CNTNAP2: variants seen among roughly 807,000 people sequenced by gnomAD.
CNTNAP2 encodes the protein contactin associated protein 2.
CNTNAP2 carries 98 observed loss-of-function variants against 155.2 expected under a neutral mutation model. That is an observed-to-expected ratio of 0.63 (90% confidence interval 0.54 to 0.75). The LOEUF (loss-of-function observed/expected upper bound fraction) is 0.75, where lower values mean the gene tolerates loss of function less well. CNTNAP2 is among the 30% of genes least tolerant of loss of function. The pLI is 0.00. For synonymous variants in CNTNAP2, 651 were observed against 631.2 expected (o/e 1.03, Z -0.47); for missense variants, 1,727 against 1,688.1 (o/e 1.02, Z -0.40).
At chr7:147,432,028 C>T (rs537884724) in intron 10 of CNTNAP2, among the ~76,000 whole-genome samples, 1 of 152,256 alleles carries the variant, frequency 6.6e-6, no homozygotes, top group African/African-American at 2.4e-5. Context: ...TTCTTATATC[C>T]TGAAATCTGA....
intron 1 of CNTNAP2, among the ~76,000 whole-genome samples, chr7:146,258,528 G>T (rs975644569): frequency 1.3e-5 from 2 of 152,186 alleles, no homozygotes; most frequent in Admixed American, 6.6e-5. Context: ...GCTTGTTGAT[G>T]TTGGAGGTTC....
chr7:146,219,534 A>G (rs1449202399), intron 1 of CNTNAP2, among the ~76,000 whole-genome samples: 1 of 152,206 alleles, frequency 6.6e-6, no homozygotes, highest in African/African-American at 2.4e-5. Context: ...GGAAGATAAT[A>G]TAAATAGACG....
intron 8 of CNTNAP2, among the ~76,000 whole-genome samples, chr7:147,185,108 C>T (rs902284596): frequency 6.6e-6 from 1 of 151,520 alleles, no homozygotes; most frequent in Non-Finnish European, 1.5e-5. Flanking sequence ...ACTTACATTA[C>T]AAAAGGAAGG....
chr7:147,286,273 A>C (rs1805172259), intron 8 of CNTNAP2, among the ~76,000 whole-genome samples: 1 of 152,102 alleles, frequency 6.6e-6, no homozygotes, highest in African/African-American at 2.4e-5. Context: ...GTCTAAAAAT[A>C]ACTTAGTCAA....
intron 11 of CNTNAP2, among the ~76,000 whole-genome samples, chr7:147,525,950 C>T (rs999676688): frequency 2.6e-5 from 4 of 151,878 alleles, no homozygotes; most frequent in African/African-American, 7.3e-5. Context: ...CCCAGCACTT[C>T]GGAAGGTTGA....
chr7:147,694,513 G>T (rs1007086502), intron 13 of CNTNAP2, among the ~76,000 whole-genome samples: 4 of 152,060 alleles, frequency 2.6e-5, no homozygotes, highest in African/African-American at 9.7e-5. Context: ...TATTGATTCA[G>T]TTTCTTTAAT....
At chr7:148,007,491 T>C (rs1375947742) in intron 15 of CNTNAP2, among the ~76,000 whole-genome samples, 4 of 152,148 alleles carry the variant, frequency 2.6e-5, no homozygotes, top group Non-Finnish European at 5.9e-5. Flanking sequence ...CTGAAAATAA[T>C]ATTGAAATGT....
At chr7:146,611,361 G>A (rs1345202318) in intron 1 of CNTNAP2, among the ~76,000 whole-genome samples, 1 of 152,076 alleles carries the variant, frequency 6.6e-6, no homozygotes, top group Non-Finnish European at 1.5e-5. Context: ...AAAGTGCTGG[G>A]ATTATAGGCG....
intron 9 of CNTNAP2, among the ~76,000 whole-genome samples, chr7:147,314,817 A>G (rs1475934868): frequency 6.6e-6 from 1 of 151,216 alleles, no homozygotes; most frequent in Non-Finnish European, 1.5e-5. Flanking sequence ...TGCCCCTAGT[A>G]AATATATAGT....
intron 1 of CNTNAP2, among the ~76,000 whole-genome samples, chr7:146,278,414 C>T (rs542939904): frequency 4.2e-4 from 64 of 151,816 alleles, no homozygotes; most frequent in Non-Finnish European, 7.1e-4. Context: ...AAAGAATACT[C>T]CATAGATGAG....
At chr7:147,969,421 C>T (rs13238527) in intron 14 of CNTNAP2, among the ~76,000 whole-genome samples, 1 of 151,922 alleles carries the variant, frequency 6.6e-6, no homozygotes, top group Non-Finnish European at 1.5e-5. Context: ...TCAAAGTTCA[C>T]GTTAGTTATG....
intron 3 of CNTNAP2, among the ~76,000 whole-genome samples, chr7:146,957,699 T>A (rs1797464988): frequency 6.6e-6 from 1 of 152,146 alleles, no homozygotes; most frequent in African/African-American, 2.4e-5. Context: ...TGGAGCCCGT[T>A]CTCCATGTCG....
intron 6 of CNTNAP2, among the ~76,000 whole-genome samples, chr7:147,125,820 A>T (rs1225928013): frequency 6.6e-6 from 1 of 152,182 alleles, no homozygotes; most frequent in Non-Finnish European, 1.5e-5. Flanking sequence ...TAATAGAAAA[A>T]AATGTGTGTG....
intron 1 of CNTNAP2, among the ~76,000 whole-genome samples, chr7:146,416,148 T>A (rs1377894667): frequency 8.0e-6 from 1 of 124,486 alleles, no homozygotes; most frequent in Non-Finnish European, 1.6e-5. Flanking sequence ...CTTTATTTCA[T>A]TACATATAAA....
At chr7:146,372,240 C>T (rs956830222) in intron 1 of CNTNAP2, among the ~76,000 whole-genome samples, 2 of 152,136 alleles carry the variant, frequency 1.3e-5, no homozygotes, top group African/African-American at 4.8e-5. Flanking sequence ...AAGTAGAATA[C>T]GACCTATGCA....
chr7:146,928,851 G>A (rs1246787661), intron 3 of CNTNAP2, among the ~76,000 whole-genome samples: 1 of 152,226 alleles, frequency 6.6e-6, no homozygotes, highest in African/African-American at 2.4e-5. Context: ...AGCAGTCTGA[G>A]ATCAAACTGC....
chr7:147,635,409 C>G (rs1220110304), intron 12 of CNTNAP2, among the ~76,000 whole-genome samples: 2 of 151,916 alleles, frequency 1.3e-5, no homozygotes, highest in African/African-American at 4.8e-5. Flanking sequence ...CAGGCATGAG[C>G]CACCACACCC....
chr7:146,814,882 C>T (rs922092743), intron 2 of CNTNAP2, among the ~76,000 whole-genome samples: 1 of 152,100 alleles, frequency 6.6e-6, no homozygotes, highest in Non-Finnish European at 1.5e-5. Flanking sequence ...AAAATTATGA[C>T]ACACCCACTT....
intron 21 of CNTNAP2, among the ~76,000 whole-genome samples, chr7:148,318,917 C>T (rs763781547): frequency 2.6e-5 from 4 of 152,208 alleles, no homozygotes; most frequent in Non-Finnish European, 5.9e-5. Context: ...ATTAACTCAG[C>T]TTACCAATTC....
Sources: allele counts gnomAD v4.1 joint callset (sites outside exome capture counted in the v4.1 genomes callset), GRCh38; gene constraint gnomAD v4.1.1; transcripts MANE v1.5; gene names NCBI Gene and HGNC (gene_info 2026-07-23, HGNC 2026-07-21).